The following NDE1 variants were observed in gnomAD, a reference collection of about 807,000 sequenced individuals.
NDE1 encodes the protein nudE neurodevelopment protein 1, also known as nuclear distribution protein nudE homolog 1.
A neutral mutation model predicts 43.4 loss-of-function variants in NDE1; 28 were observed. The observed-to-expected ratio is 0.65, with a 90% CI of 0.48 to 0.89. The LOEUF (loss-of-function observed/expected upper bound fraction) is 0.89, where lower values mean the gene tolerates loss of function less well. Among genes scored for constraint, NDE1 ranks in the 40% least tolerant of loss-of-function variants. NDE1 has a pLI of 0.00. For synonymous variants in NDE1, 184 were observed against 172.0 expected (o/e 1.07, Z -0.55); for missense variants, 441 against 434.1 (o/e 1.02, Z -0.14).
In NDE1 at chr16:15,694,201, C is replaced by G; in HGVS notation, c.740C>G (p.Pro247Arg). ...DDSTGGTPLTPAARISALNIV... is the reference protein window; with the variant it reads ...DDSTGGTPLTRAARISALNIV... ...TCCACCGGGGGGACCCCCCTCACAC[C>G]TGCGGCCCGGATATCAGCCCTCAAC... Residue 247 changes from proline to arginine, a missense_variant, in exon 7 of 9, where the codon CCT becomes CGT. By Grantham distance (103) the Pro-to-Arg change is moderately radical (BLOSUM62 -2). Transcript: ENST00000396354. 6.2e-7 allele frequency: 1 copy of G among 1,613,324 alleles called. No individual in the cohort carries two copies. The highest frequency in any genetic ancestry group is 8.5e-7 in the Non-Finnish European group (1 of 1,180,028).
At chr16:15,696,682 G>C in intron 7 of NDE1, 27 bp from the exon 8 acceptor site, 1 of 1,614,122 alleles carries the variant, frequency 6.2e-7, no homozygotes, top group South Asian at 1.1e-5. Flanking sequence ...CCTATAACTT[G>C]AGAGATAAAA....
At chr16:15,704,778 G>T (rs117760029) in intron 8 of NDE1, among the ~76,000 whole-genome samples, 1 of 152,318 alleles carries the variant, frequency 6.6e-6, no homozygotes, top group East Asian at 1.9e-4. Context: ...GGAACATACC[G>T]CACATGGCGT....
chr16:15,689,474 T>C (rs2038619137), intron 5 of NDE1, among the ~76,000 whole-genome samples: 1 of 152,192 alleles, frequency 6.6e-6, no homozygotes, highest in Non-Finnish European at 1.5e-5. Context: ...CCTGGGTGAC[T>C]GAGTCAGACC....
At chr16:15,717,401 G>T (rs916757073) in intron 8 of NDE1, 3 of 1,577,896 alleles carry the variant, frequency 1.9e-6, no homozygotes, top group African/African-American at 2.7e-5. Context: ...CCAAGAGAGC[G>T]CACTGAGACC....
rs554156577 is a variant in NDE1, at chr16:15,715,933, C to G, written c.948-8258C>G. 3.3e-5 allele frequency among the ~76,000 whole-genome samples: 5 copies of G among 152,246 alleles called. No homozygotes were observed. The East Asian group carries it at 9.6e-4, about 29-fold the overall frequency. On this transcript the variant is annotated intron_variant, in intron 8 of 8. Coordinates refer to ENST00000396354, the MANE Select transcript of NDE1 (RefSeq NM_017668.3). The stretch of plus-strand genomic sequence containing the variant: ...CTGTGGTCAGGAGTTCGAGACCAGC[C>G]TGGCCAACATGGTGAAACCCCATCC...
At position 15,724,317 on chromosome 16, in the gene NDE1, G is replaced by T; in HGVS notation, c.*66G>T. On this transcript the variant is annotated 3_prime_UTR_variant, in exon 9 of 9. Transcript: ENST00000396354. ...CCTTCTCCTCGTACTGCTGGGTGAG[G>T]TTCTCGATCTCCTTCTGGAACCTCT... 1 of 1,614,116 alleles carries T rather than the reference G, an allele frequency of 6.2e-7. No homozygotes were observed. Among genetic ancestry groups the T allele is most frequent in the Non-Finnish European group, 8.5e-7 (1 of 1,180,024 alleles).
rs1205663701 is a variant in NDE1 at position 15,715,245 on chromosome 16, C to T, written c.948-8946C>T. ...CCTTCAGCTTCTTGTCTTTCTGCTTCAGCGACTTGGTGGCCGCCTGTTTCT... is the reference window on the plus strand; with the variant it reads ...CCTTCAGCTTCTTGTCTTTCTGCTTTAGCGACTTGGTGGCCGCCTGTTTCT... On this transcript the variant is annotated intron_variant, in intron 8 of 8. Transcript: ENST00000396354. 1.9e-6 allele frequency: 3 copies of T among 1,614,010 alleles called. No individual in the cohort carries two copies. The East Asian group carries it at 6.7e-5, about 36-fold the overall frequency.
Position 15,667,279 on chromosome 16 carries a change from G to T in NDE1, c.84-7G>T. 2 of 1,614,050 alleles carry T rather than the reference G, an allele frequency of 1.2e-6. No homozygotes were observed. The highest frequency in any genetic ancestry group is 1.7e-6 in the Non-Finnish European group (2 of 1,179,972). ...TTACTACGTGATGATTAACAATTTT[G>T]CTGTAGGGCAGAAAATACGCAAGAG... is the stretch of plus-strand genomic sequence containing the variant. On this transcript the variant is annotated splice_polypyrimidine_tract_variant and splice_region_variant and intron_variant, in intron 2 of 8. Transcript: ENST00000396354.
chr16:15,654,895 A>G (rs937049773), intron 1 of NDE1, among the ~76,000 whole-genome samples: 5 of 151,772 alleles, frequency 3.3e-5, no homozygotes, highest in Admixed American at 6.6e-5. Context: ...TGTCTAGCAC[A>G]CAGCAAACAG....
intron 7 of NDE1, chr16:15,695,734 T>C (rs1261766221): frequency 2.0e-6 from 2 of 983,670 alleles, no homozygotes; most frequent in Non-Finnish European, 2.4e-6. Flanking sequence ...TTTCTTTTGT[T>C]TTTACTTCTG....
chr16:15,669,725 G>C (rs8062561), intron 3 of NDE1, among the ~76,000 whole-genome samples: 109,363 of 151,530 alleles, frequency 0.72, 40,312 homozygotes, highest in African/African-American at 0.89. Context: ...GAACTCCTGA[G>C]CTCAGGTGAT....
intron 4 of NDE1, among the ~76,000 whole-genome samples, chr16:15,680,547 T>A (rs548857515): frequency 4.6e-5 from 7 of 152,108 alleles, no homozygotes; most frequent in Non-Finnish European, 1.0e-4. Context: ...ATATATATAT[T>A]TTTTGAGATG....
At chr16:15,696,911 C>T (rs779569566) in intron 8 of NDE1, 51 bp downstream of exon 8, 1 of 1,600,746 alleles carries the variant, frequency 6.2e-7, no homozygotes. Flanking sequence ...CCGCCTGCCC[C>T]AGGCAAGAGA....
intron 1 of NDE1, among the ~76,000 whole-genome samples, chr16:15,651,296 T>C (rs1051768108): frequency 1.3e-5 from 2 of 152,120 alleles, no homozygotes; most frequent in South Asian, 2.1e-4. Context: ...AGTTTTGTTA[T>C]AGTGTATTCT....
At chr16:15,656,215 A>G (rs966961997) in intron 1 of NDE1, among the ~76,000 whole-genome samples, 8 of 152,232 alleles carry the variant, frequency 5.3e-5, no homozygotes, top group African/African-American at 1.9e-4. Flanking sequence ...TGCTTCCAGC[A>G]TCTCTCTTCC....
In NDE1 at chr16:15,691,175, G is replaced by A. The variant is rs553258134; in HGVS notation, c.555G>A (p.Lys185=). 6.2e-7 allele frequency: 1 copy of A among 1,614,132 alleles called. No homozygotes were observed. Among genetic ancestry groups the A allele is most frequent in the Admixed American group, 1.7e-5 (1 of 59,998 alleles). ...DLRQELAVQQ[K]QEKPRTPMPS... is the part of the protein sequence containing the mutation. Reference sequence around the variant, plus strand: ...GGCAGGAACTGGCCGTGCAGCAGAAGCAGGAGAAACCCAGGACCCCCATGC... The same window carrying A: ...GGCAGGAACTGGCCGTGCAGCAGAAACAGGAGAAACCCAGGACCCCCATGC... The change falls in exon 6 of 9, where the codon AAG becomes AAA. Residue 185 remains lysine (K), a synonymous_variant. Transcript: ENST00000396354.
At chr16:15,679,895 C>T (rs1396001548) in intron 4 of NDE1, among the ~76,000 whole-genome samples, 3 of 152,214 alleles carry the variant, frequency 2.0e-5, no homozygotes, top group African/African-American at 7.2e-5. Context: ...TCTCCTGCCT[C>T]AACCTCCGGA....
intron 8 of NDE1, chr16:15,720,119 C>T (rs770772901): frequency 2.5e-6 from 4 of 1,614,000 alleles, no homozygotes. Context: ...GCCCTCCCTC[C>T]ACCCATGCCC....
chr16:15,720,157 T>C, intron 8 of NDE1: 1 of 1,614,026 alleles, frequency 6.2e-7, no homozygotes, highest in Non-Finnish European at 8.5e-7. Context: ...CCACCTGCAG[T>C]TTGCGTAGCT....
Sources: allele counts gnomAD v4.1 joint callset (sites outside exome capture counted in the v4.1 genomes callset), GRCh38; gene constraint gnomAD v4.1.1; transcripts MANE v1.5; gene names NCBI Gene and HGNC (gene_info 2026-07-23, HGNC 2026-07-21).